DNAJC13: variants seen among roughly 807,000 people sequenced by gnomAD.
DNAJC13 encodes dnaJ homolog subfamily C member 13.
A neutral mutation model predicts 290.5 loss-of-function variants in DNAJC13; 75 were observed. The ratio of observed to expected loss-of-function variants is 0.26; its 90% CI spans 0.21 to 0.31. DNAJC13 has a LOEUF of 0.31. Among genes scored for constraint, DNAJC13 ranks in the 10% least tolerant of loss-of-function variants. The probability of loss-of-function intolerance (pLI) is 1.00; values close to 1 mark genes in which losing one functional copy is unlikely to be tolerated. For missense variants in DNAJC13, 2,260 were observed against 2,674.5 expected, an observed-to-expected ratio of 0.85 and a Z score of 3.42; for synonymous variants, 862 against 892.0, an observed-to-expected ratio of 0.97 and a Z score of 0.60.
chr3:132,482,927 ATAAG>A (rs1282998807), intron 27 of DNAJC13, among the ~76,000 whole-genome samples: 2 of 152,162 alleles, frequency 1.3e-5, no homozygotes, highest in South Asian at 2.1e-4. Context: ...TATGGTATGA[ATAAG>A]TAAGTTTTAA....
At chr3:132,500,295 A>T (rs528283695) in intron 38 of DNAJC13, among the ~76,000 whole-genome samples, 16 of 152,380 alleles carry the variant, frequency 1.1e-4, no homozygotes, top group African/African-American at 3.8e-4. Flanking sequence ...AATTCAGAAT[A>T]TAAAACGAGT....
chr3:132,456,266 G>A lies in DNAJC13; in HGVS notation c.964G>A (p.Val322Ile). ...DSLLASLLDG[V>I]RASGNRDVCV... The stretch of plus-strand genomic sequence containing the variant: ...CTTATTAGCAAGTTTGCTGGATGGA[G>A]TAAGAGCCTCTGGTAATAGAGATGT... The change falls in exon 10 of 56, where the codon GTA becomes ATA. Residue 322 changes from valine to isoleucine, a missense_variant. Transcript: ENST00000260818. The A allele has an allele frequency of 6.2e-7, 1 of 1,613,798 alleles. No homozygotes were observed. The highest frequency in any genetic ancestry group is 8.5e-7 in the Non-Finnish European group (1 of 1,179,804).
At chr3:132,422,473 G>A (rs1938988371) in intron 1 of DNAJC13, among the ~76,000 whole-genome samples, 1 of 152,162 alleles carries the variant, frequency 6.6e-6, no homozygotes, top group Non-Finnish European at 1.5e-5. Context: ...TGGCATCCTA[G>A]CCCAACCATT....
intron 43 of DNAJC13, among the ~76,000 whole-genome samples, chr3:132,509,963 A>G (rs1384803995): frequency 6.6e-6 from 1 of 152,212 alleles, no homozygotes; most frequent in South Asian, 2.1e-4. Context: ...TTACACCGAA[A>G]TAATACCAAA....
intron 1 of DNAJC13, among the ~76,000 whole-genome samples, chr3:132,426,607 A>AT (rs1939097805): frequency 6.6e-6 from 1 of 152,140 alleles, no homozygotes; most frequent in Non-Finnish European, 1.5e-5. Context: ...TGTTACTGAT[A>AT]TTACCTGCTT....
In DNAJC13 at chr3:132,467,399, G is replaced by A. The variant is rs370530424; in HGVS notation, c.2208+86G>A. On this transcript the variant is annotated intron_variant, in intron 20 of 55. Coordinates refer to ENST00000260818, the MANE Select transcript of DNAJC13 (RefSeq NM_015268.4). ...TCCTGCTGTTCACAGAGATGGTATCGATACATTTCTTGCTGAATACCTGAA... is the reference window on the plus strand; with the variant it reads ...TCCTGCTGTTCACAGAGATGGTATCAATACATTTCTTGCTGAATACCTGAA... The A allele has an allele frequency of 1.2e-5, 17 of 1,373,226 alleles. No homozygotes were observed. In the East Asian group the frequency reaches 1.4e-4, roughly 12 times the overall value. 85.1% of individuals were successfully genotyped at this position (1,373,226 alleles called of 1,614,324 possible).
chr3:132,458,128 AG>A (rs1193901009), intron 13 of DNAJC13: 1 of 150,832 alleles, frequency 6.6e-6, no homozygotes, highest in Non-Finnish European at 1.5e-5. Flanking sequence ...GGGTAGTCAC[AG>A]GGCTAAAGAA....
At chr3:132,462,236 G>A (rs191699458) in intron 15 of DNAJC13, among the ~76,000 whole-genome samples, 156 of 152,000 alleles carry the variant, frequency 1.0e-3, no homozygotes, top group African/African-American at 3.6e-3. Context: ...TCAAATAGAT[G>A]CCTTCTGTTT....
chr3:132,423,424 T>C (rs1392611574), intron 1 of DNAJC13, among the ~76,000 whole-genome samples: 1 of 152,254 alleles, frequency 6.6e-6, no homozygotes, highest in African/African-American at 2.4e-5. Flanking sequence ...TACATGGTGT[T>C]CTCACTTTTA....
chr3:132,505,295 C>T lies in DNAJC13; in HGVS notation c.4885-7C>T. Reference sequence around the variant, plus strand: ...AAATGTTATAAAACGGTAATATTGTCTCCTAGATTTTGAAGATGCTTAACA... The same window carrying T: ...AAATGTTATAAAACGGTAATATTGTTTCCTAGATTTTGAAGATGCTTAACA... On this transcript the variant is annotated splice_polypyrimidine_tract_variant and splice_region_variant and intron_variant, in intron 41 of 55. Coordinates refer to ENST00000260818, the MANE Select transcript of DNAJC13 (RefSeq NM_015268.4). 6.5e-7 allele frequency: 1 copy of T among 1,538,298 alleles called. No homozygotes were observed. The highest frequency in any genetic ancestry group is 8.9e-7 in the Non-Finnish European group (1 of 1,117,824).
chr3:132,522,262 C>T (rs966997377), intron 48 of DNAJC13, among the ~76,000 whole-genome samples: 1 of 152,156 alleles, frequency 6.6e-6, no homozygotes, highest in African/African-American at 2.4e-5. Flanking sequence ...CCCCATGCCT[C>T]ACATGAATTT....
chr3:132,489,503 T>C (rs1178774468), intron 31 of DNAJC13, among the ~76,000 whole-genome samples: 1 of 151,928 alleles, frequency 6.6e-6, no homozygotes, highest in East Asian at 1.9e-4. Flanking sequence ...AAAAAAAAAC[T>C]TATTTAGGTA....
At chr3:132,434,281 G>A (rs934681389) in intron 1 of DNAJC13, among the ~76,000 whole-genome samples, 5 of 151,226 alleles carry the variant, frequency 3.3e-5, no homozygotes, top group Admixed American at 2.0e-4. Context: ...AGCTACTTGG[G>A]AGGCTGACGC....
intron 39 of DNAJC13, among the ~76,000 whole-genome samples, chr3:132,501,475 CTA>C (rs1402399124): frequency 1.3e-5 from 2 of 151,976 alleles, no homozygotes; most frequent in African/African-American, 2.4e-5. Context: ...TGCTGACACC[CTA>C]TGTTTCTGTG....
intron 44 of DNAJC13, among the ~76,000 whole-genome samples, chr3:132,511,894 C>T (rs1576511868): frequency 6.6e-6 from 1 of 152,040 alleles, no homozygotes; most frequent in Admixed American, 6.6e-5. Flanking sequence ...TTGAACATTA[C>T]CTTTCAAGTA....
Position 132,477,808 on chromosome 3 carries a change from C to T in DNAJC13, c.2465C>T (p.Ala822Val), listed in dbSNP as rs1934522486. ...HEFEVKYECL[A>V]EEIKIGDYYL... ...ATGAAGGTTAAATATGAGTGCCTGG[C>T]AGAGGAAATTAAAATAGGAGACTAT... The change falls in exon 23 of 56, where the codon GCA (alanine) becomes GTA (valine). Residue 822 changes from alanine to valine, a missense_variant. Around this residue, in one of 3 missense-constraint regions of DNAJC13, gnomAD observed 4 missense variants for 16.7 expected, o/e 0.24. Coordinates refer to ENST00000260818, the MANE Select transcript of DNAJC13 (RefSeq NM_015268.4). The T allele has an allele frequency of 1.2e-6, 2 of 1,611,596 alleles. No individual in the cohort carries two copies. Among genetic ancestry groups the T allele is most frequent in the Non-Finnish European group, 1.7e-6 (2 of 1,179,150 alleles).
chr3:132,478,202 T>G, intron 24 of DNAJC13, 62 bp downstream of exon 24: 1 of 1,391,954 alleles, frequency 7.2e-7, no homozygotes, highest in Non-Finnish European at 9.7e-7. Context: ...TGTTAAATTT[T>G]AAAAACTAAA....
At chr3:132,502,040 T>C (rs143687887) in intron 39 of DNAJC13, among the ~76,000 whole-genome samples, 122 of 152,314 alleles carry the variant, frequency 8.0e-4, no homozygotes, top group Middle Eastern at 3.4e-3. Context: ...CAGGAAACTA[T>C]TCCCAAGTCT....
At chr3:132,471,816 G>A (rs1295625519) in intron 20 of DNAJC13, among the ~76,000 whole-genome samples, 7 of 147,488 alleles carry the variant, frequency 4.7e-5, no homozygotes, top group Non-Finnish European at 7.6e-5. Flanking sequence ...CGGCCAGGCA[G>A]AGACGGTCAT....
Sources: gnomAD v4.1 joint callset for allele counts (sites outside exome capture counted in the v4.1 genomes callset) on GRCh38, gnomAD v4.1.1 for gene constraint, gnomAD v4.1.1 regional missense constraint, MANE v1.5 for transcripts, NCBI Gene and HGNC (gene_info 2026-07-23, HGNC 2026-07-21) for gene names.